Variants in SOX5 observed in about 807,000 individuals in gnomAD.
SOX5 encodes the protein SRY-box transcription factor 5, also known as transcription factor SOX-5.
Under a neutral mutation model 92.0 loss-of-function variants are expected in SOX5, and 9 were observed. The ratio of observed to expected loss-of-function variants is 0.10; its 90% CI spans 0.06 to 0.17. The LOEUF (loss-of-function observed/expected upper bound fraction) is 0.17, where lower values mean the gene tolerates loss of function less well. Ranked by LOEUF, SOX5 falls within the 10% of genes least tolerant of loss-of-function variation. SOX5 has a pLI of 1.00. For missense variants in SOX5, 642 were observed against 944.5 expected (o/e 0.68, Z 4.20); for synonymous variants, 344 against 336.3 (o/e 1.02, Z -0.25).
At chr12:24,513,301 T>A (rs1022505982) in intron 1 of SOX5, among the ~76,000 whole-genome samples, 13 of 152,272 alleles carry the variant, frequency 8.5e-5, no homozygotes, top group African/African-American at 3.1e-4. Flanking sequence ...TATGGGGAAA[T>A]AACCCCATTG....
chr12:24,075,133 G>A (rs1486595060), intron 4 of SOX5, among the ~76,000 whole-genome samples: 1 of 151,638 alleles, frequency 6.6e-6, no homozygotes, highest in African/African-American at 2.4e-5. Flanking sequence ...GCTGAGCGTG[G>A]TGGTGCTTGC....
intron 1 of SOX5, among the ~76,000 whole-genome samples, chr12:24,524,989 G>A (rs1291170441): frequency 1.3e-5 from 2 of 152,080 alleles, no homozygotes; most frequent in Admixed American, 6.6e-5. Context: ...AAGTACAGAG[G>A]CTCCTCAAAA....
At chr12:24,102,735 C>A (rs1946232896) in intron 4 of SOX5, among the ~76,000 whole-genome samples, 1 of 152,200 alleles carries the variant, frequency 6.6e-6, no homozygotes, top group Non-Finnish European at 1.5e-5. Context: ...AATTTCCTAT[C>A]TTATCTACTA....
intron 2 of SOX5, among the ~76,000 whole-genome samples, chr12:24,284,294 T>G (rs1945566422): frequency 6.6e-6 from 1 of 152,162 alleles, no homozygotes; most frequent in African/African-American, 2.4e-5. Flanking sequence ...CCTGCTCTGC[T>G]AATCCCTGGT....
At chr12:23,634,101 T>G (rs977884637) in intron 8 of SOX5, among the ~76,000 whole-genome samples, 1 of 152,140 alleles carries the variant, frequency 6.6e-6, no homozygotes, top group Non-Finnish European at 1.5e-5. Flanking sequence ...CTGCTTTTTT[T>G]AATTAAAAAT....
At chr12:24,234,853 T>C (rs1964136854) in intron 3 of SOX5, among the ~76,000 whole-genome samples, 1 of 152,130 alleles carries the variant, frequency 6.6e-6, no homozygotes, top group Non-Finnish European at 1.5e-5. Context: ...CAATTTTGCT[T>C]GTCCCAAGTG....
chr12:23,610,731 GA>G lies in SOX5; in HGVS notation c.1018-6199del, dbSNP rs749833560. On this transcript the variant is annotated intron_variant, in intron 8 of 14. Coordinates refer to ENST00000451604, the MANE Select transcript of SOX5 (RefSeq NM_006940.6). ...TTCACTCATTTCATTTGCTTGAGAG[GA>G]AAAAAATATGAATTTAAATCTTATC... Among the ~76,000 whole-genome samples the G allele has an allele frequency of 4.6e-5, 7 of 151,876 alleles. No individual in the cohort carries two copies. In the East Asian group the frequency reaches 1.2e-3, roughly 25 times the overall value.
In SOX5 at chr12:23,532,308, C is replaced by CT. The variant is rs895478638; in HGVS notation, c.*1910dup. The CT allele has an allele frequency of 6.6e-6, 1 of 152,002 alleles. No homozygotes were observed. The highest frequency in any genetic ancestry group is 2.4e-5 in the African/African-American group (1 of 41,376). The allele number at this position is 152,002 out of a possible 1,614,324, so 9.4% of individuals were successfully genotyped here. On this transcript the variant is annotated 3_prime_UTR_variant, in exon 15 of 15. Transcript: ENST00000451604. Reference sequence around the variant, plus strand: ...GAGAGAGAGAAAAATAAAAGGGATTCTTTTTTTATTTATATGTAAAAATCC... The same window carrying CT: ...GAGAGAGAGAAAAATAAAAGGGATTCTTTTTTTTATTTATATGTAAAAATCC...
chr12:24,345,973 C>T (rs576571009), intron 2 of SOX5, among the ~76,000 whole-genome samples: 8 of 152,278 alleles, frequency 5.3e-5, no homozygotes, highest in Admixed American at 1.3e-4. Context: ...CAAGGGAGCC[C>T]AGGTTCCATA....
In SOX5 at chr12:23,546,422, T is replaced by A; in HGVS notation, c.1491A>T (p.Glu497Asp). 1.3e-6 allele frequency: 2 copies of A among 1,572,546 alleles called. No homozygotes were observed. Among genetic ancestry groups the A allele is most frequent in the Non-Finnish European group, 1.7e-6 (2 of 1,147,800 alleles). ...LGLNNCRTEK[E>D]KTTLESLTQQ... ...GAGTCAGACTCTCCAGTGTTGTTTT[T>A]TCCTTTAAAAAAATTATAATGAGAG... Residue 497 changes from glutamate to aspartate, a missense_variant and splice_region_variant, in exon 12 of 15, where the codon GAA (glutamate) becomes GAT (aspartate). Around this residue, in one of 8 missense-constraint regions of SOX5, gnomAD observed 324 missense variants for 461.6 expected, o/e 0.70. Coordinates refer to ENST00000451604, the MANE Select transcript of SOX5 (RefSeq NM_006940.6).
Position 23,574,975 on chromosome 12 carries a change from G to A in SOX5, c.1342+686C>T, listed in dbSNP as rs147571175. Among the ~76,000 whole-genome samples, 12 of 152,190 alleles carry A rather than the reference G, an allele frequency of 7.9e-5. No individual in the cohort carries two copies. The East Asian group carries it at 2.3e-3, about 29-fold the overall frequency. On this transcript the variant is annotated intron_variant, in intron 10 of 14. Coordinates refer to ENST00000451604, the MANE Select transcript of SOX5 (RefSeq NM_006940.6). ...TGACTCTCCCTTAACTAAACCATGA[G>A]CTCCTTGAGGGCTGGCCTCCTTAAA...
At chr12:24,191,854 C>T (rs1956560243) in intron 4 of SOX5, among the ~76,000 whole-genome samples, 1 of 152,164 alleles carries the variant, frequency 6.6e-6, no homozygotes, top group South Asian at 2.1e-4. Flanking sequence ...GGGAAGAGAA[C>T]ATTTCAGAGG....
chr12:23,860,378 C>T lies in SOX5; in HGVS notation c.271-14185G>A, dbSNP rs373304127. On this transcript the variant is annotated intron_variant, in intron 2 of 14. Transcript: ENST00000451604. Reference sequence around the variant, plus strand: ...TGAAAGAAGCAATGATAAGATTAAGCAACTTGAAAATAATAAGAAAAAAAA... The same window carrying T: ...TGAAAGAAGCAATGATAAGATTAAGTAACTTGAAAATAATAAGAAAAAAAA... 7.3e-5 allele frequency among the ~76,000 whole-genome samples: 11 copies of T among 151,382 alleles called. No homozygotes were observed. The South Asian group carries it at 1.9e-3, about 26-fold the overall frequency.
intron 3 of SOX5, among the ~76,000 whole-genome samples, chr12:23,819,600 C>T (rs552651918): frequency 1.3e-5 from 2 of 152,096 alleles, no homozygotes; most frequent in African/African-American, 2.4e-5. Flanking sequence ...CCCGACAGGC[C>T]GTGGTGTGTG....
intron 6 of SOX5, among the ~76,000 whole-genome samples, chr12:23,721,152 C>T (rs2092794039): frequency 6.6e-6 from 1 of 152,120 alleles, no homozygotes; most frequent in Admixed American, 6.5e-5. Flanking sequence ...ATGGCACGAT[C>T]TTGGCTGACT....
chr12:24,243,222 G>C (rs1937834006), intron 3 of SOX5, among the ~76,000 whole-genome samples: 1 of 152,070 alleles, frequency 6.6e-6, no homozygotes, highest in Admixed American at 6.6e-5. Flanking sequence ...ATATTATTTA[G>C]ATAAATACAT....
intron 3 of SOX5, among the ~76,000 whole-genome samples, chr12:23,843,215 G>T (rs2096538209): frequency 6.6e-6 from 1 of 151,376 alleles, no homozygotes; most frequent in South Asian, 2.1e-4. Context: ...GCCAAAAAAA[G>T]CCTAAGAAGA....
chr12:24,037,309 G>C (rs1450511086), intron 4 of SOX5, among the ~76,000 whole-genome samples: 1 of 152,118 alleles, frequency 6.6e-6, no homozygotes, highest in East Asian at 1.9e-4. Context: ...TTGATATGTA[G>C]ACAGACATTC....
chr12:23,869,751 A>G (rs1397842655), intron 2 of SOX5, among the ~76,000 whole-genome samples: 2 of 152,136 alleles, frequency 1.3e-5, no homozygotes, highest in Non-Finnish European at 2.9e-5. Context: ...TGTGAGTAGT[A>G]CTGCTCTAGA....
Sources: allele counts gnomAD v4.1 joint callset (sites outside exome capture counted in the v4.1 genomes callset), GRCh38; gene constraint gnomAD v4.1.1; regional missense constraint gnomAD v4.1.1; transcripts MANE v1.5; gene names NCBI Gene and HGNC (gene_info 2026-07-23, HGNC 2026-07-21).